ITGA2: variants seen among roughly 807,000 people sequenced by gnomAD.
The protein encoded by ITGA2 is integrin alpha-2.
Under a neutral mutation model 146.3 loss-of-function variants are expected in ITGA2, and 101 were observed. The observed-to-expected ratio is 0.69, with a 90% confidence interval of 0.59 to 0.81. The LOEUF (loss-of-function observed/expected upper bound fraction) is 0.81. ITGA2 is among the 40% of genes least tolerant of loss of function. The pLI is 0.00. For synonymous variants in ITGA2, 477 were observed against 487.1 expected, an observed-to-expected ratio of 0.98 and a Z score of 0.27; for missense variants, 1,281 against 1,402.7, an observed-to-expected ratio of 0.91 and a Z score of 1.39.
At chr5:53,003,375 A>G (rs1488614320) in intron 1 of ITGA2, among the ~76,000 whole-genome samples, 1 of 152,150 alleles carries the variant, frequency 6.6e-6, no homozygotes, top group Non-Finnish European at 1.5e-5. Context: ...AAATTTAGTG[A>G]TATGAAACCA....
At chr5:53,061,137 C>A in intron 12 of ITGA2, 91 bp downstream of exon 12, 1 of 1,211,646 alleles carries the variant, frequency 8.3e-7, no homozygotes, top group Non-Finnish European at 1.2e-6. Flanking sequence ...ACAACATGGC[C>A]TGAGTGCCTA....
At position 53,090,874 on chromosome 5, in the gene ITGA2, C is replaced by T. The variant is rs1037594474; in HGVS notation, c.*275C>T. ...TTTAAACTGGCTGGCCCAGAGTTTA[C>T]ATTCTAATTTGCATTGTGTCAGAAA... On this transcript the variant is annotated 3_prime_UTR_variant, in exon 30 of 30. Transcript: ENST00000296585. 15 of 593,298 alleles carry T rather than the reference C, an allele frequency of 2.5e-5. No individual in the cohort carries two copies. Among genetic ancestry groups the T allele is most frequent in the African/African-American group, 2.4e-4 (13 of 53,826 alleles). The allele number at this position is 593,298 out of a possible 1,614,324, so 36.8% of individuals were successfully genotyped here.
At chr5:53,086,335 G>C (rs1746154895) in intron 27 of ITGA2, among the ~76,000 whole-genome samples, 1 of 152,156 alleles carries the variant, frequency 6.6e-6, no homozygotes, top group African/African-American at 2.4e-5. Flanking sequence ...AGTATTATTT[G>C]ATAGAAACAC....
At position 53,055,582 on chromosome 5, in the gene ITGA2, C is replaced by T. The variant is rs753108742; in HGVS notation, c.824C>T (p.Thr275Met). ...GCTTCTGGTGGGCGACGAAGTGCTA[C>T]GAAAGTAATGGTAGTTGTAACTGAC... is the stretch of plus-strand genomic sequence containing the variant. The part of the protein sequence containing the change: ...SAASGGRRSA[T>M]KVMVVVTDGE... Residue 275 changes from threonine to methionine, a missense_variant, in exon 8 of 30, where the codon ACG becomes ATG. Physicochemically the swap from Thr to Met is moderately conservative, Grantham distance 81 (BLOSUM62 -1). This residue lies in a region of ITGA2 where 795 missense variants were observed against 841.7 expected (regional missense o/e 0.94). Transcript: ENST00000296585. 55 of 1,613,110 alleles carry T rather than the reference C, an allele frequency of 3.4e-5. 1 individual carries two copies. The highest frequency in any genetic ancestry group is 2.0e-4 in the South Asian group (18 of 91,044).
In ITGA2 at chr5:53,051,433, A is replaced by G. The variant is rs751591582; in HGVS notation, c.653A>G (p.Asn218Ser). The change falls in exon 7 of 30, where the codon AAT becomes AGT. Residue 218 changes from asparagine to serine, a missense_variant. Asn to Ser is a conservative substitution (Grantham distance 46). This residue lies in a region of ITGA2 where 795 missense variants were observed against 841.7 expected (regional missense o/e 0.94). Coordinates refer to ENST00000296585, the MANE Select transcript of ITGA2 (RefSeq NM_002203.4). ...KTQVGLIQYA[N>S]NPRVVFNLNT... ...AAGGTGGGGTTAATTCAGTATGCCA[A>G]TAATCCAAGAGTTGTGTTTAACTTG... 4 of 1,613,596 alleles carry G rather than the reference A, an allele frequency of 2.5e-6. No individual in the cohort carries two copies. Among genetic ancestry groups the G allele is most frequent in the Admixed American group, 1.7e-5 (1 of 59,990 alleles).
intron 2 of ITGA2, among the ~76,000 whole-genome samples, chr5:53,029,063 G>A (rs1743094971): frequency 6.6e-6 from 1 of 152,152 alleles, no homozygotes; most frequent in Non-Finnish European, 1.5e-5. Context: ...CTTGAGGCCA[G>A]GATTTCAAGA....
intron 1 of ITGA2, among the ~76,000 whole-genome samples, chr5:52,995,980 G>C (rs887903127): frequency 6.6e-6 from 1 of 152,158 alleles, no homozygotes; most frequent in African/African-American, 2.4e-5. Context: ...AGTGAATAGG[G>C]TCAACTTCTT....
chr5:53,078,209 A>G (rs1745748732), intron 23 of ITGA2, among the ~76,000 whole-genome samples: 1 of 152,134 alleles, frequency 6.6e-6, no homozygotes, highest in East Asian at 1.9e-4. Flanking sequence ...CTCTACACTA[A>G]TGGTGGAAAC....
At chr5:53,078,391 C>A (rs1745756872) in intron 23 of ITGA2, among the ~76,000 whole-genome samples, 1 of 152,104 alleles carries the variant, frequency 6.6e-6, no homozygotes. Context: ...TAAATCCATT[C>A]ATTCAACTAA....
At chr5:53,055,202 T>C (rs1219474145) in intron 7 of ITGA2, among the ~76,000 whole-genome samples, 1 of 152,122 alleles carries the variant, frequency 6.6e-6, no homozygotes, top group African/African-American at 2.4e-5. Flanking sequence ...ATAAAATTTA[T>C]AACAGAAATA....
At chr5:52,999,389 T>G (rs1279842359) in intron 1 of ITGA2, among the ~76,000 whole-genome samples, 2 of 152,158 alleles carry the variant, frequency 1.3e-5, no homozygotes, top group East Asian at 3.9e-4. Flanking sequence ...TGTACAGCTT[T>G]TTAGGGCTTG....
At chr5:53,027,890 G>C (rs9292004) in intron 2 of ITGA2, among the ~76,000 whole-genome samples, 1,824 of 152,170 alleles carry the variant, frequency 0.012, 34 homozygotes, top group African/African-American at 0.041. Flanking sequence ...GAGACCACCT[G>C]GGCAACACAG....
chr5:52,997,850 A>G (rs1054992465), intron 1 of ITGA2, among the ~76,000 whole-genome samples: 33 of 152,238 alleles, frequency 2.2e-4, no homozygotes, highest in African/African-American at 7.7e-4. Flanking sequence ...GTGCATAAAA[A>G]TAGATATTTC....
chr5:53,064,814 G>A, intron 13 of ITGA2, 98 bp from the exon 14 acceptor site: 2 of 1,153,932 alleles, frequency 1.7e-6, no homozygotes, highest in Admixed American at 1.7e-5. Flanking sequence ...GGAGTCTTTG[G>A]GATTACAGGC....
In ITGA2 at chr5:53,090,829, A is replaced by G; in HGVS notation, c.*230A>G. On this transcript the variant is annotated 3_prime_UTR_variant, in exon 30 of 30. Coordinates refer to ENST00000296585, the MANE Select transcript of ITGA2 (RefSeq NM_002203.4). ...ATAGGGAAAATACCTATTTTATATG[A>G]TGGGGGAAAAAAAGTAATCTTTAAA... 1.7e-6 allele frequency: 1 copy of G among 599,534 alleles called. No individual in the cohort carries two copies. 37.1% of individuals were successfully genotyped at this position (599,534 alleles called of 1,614,324 possible).
At chr5:53,061,645 C>T (rs3212541) in intron 12 of ITGA2, among the ~76,000 whole-genome samples, 5,717 of 151,972 alleles carry the variant, frequency 0.038, 150 homozygotes, top group East Asian at 0.074. Flanking sequence ...AGATATGGCC[C>T]ACTACAGCAA....
rs763404337 is a variant in ITGA2, at chr5:53,056,041, A to G, written c.988A>G (p.Lys330Glu). The stretch of plus-strand genomic sequence containing the variant: ...TACTAAAAATTTAATAAAAGAAATA[A>G]AAGCAATCGCTAGTATTCCAACAGA... Reference protein sequence around the residue: ...LDTKNLIKEIKAIASIPTERY... With the variant: ...LDTKNLIKEIEAIASIPTERY... The change falls in exon 9 of 30, where the codon AAA (lysine) becomes GAA (glutamate). Residue 330 changes from lysine to glutamate, a missense_variant. Lys to Glu is a moderately conservative substitution (Grantham distance 56). Around this residue, in one of 3 missense-constraint regions of ITGA2, gnomAD observed 795 missense variants for 841.7 expected, o/e 0.94. Transcript: ENST00000296585. 6.2e-7 allele frequency: 1 copy of G among 1,609,968 alleles called. No homozygotes were observed. The highest frequency in any genetic ancestry group is 1.3e-5 in the African/African-American group (1 of 74,782).
intron 1 of ITGA2, among the ~76,000 whole-genome samples, chr5:53,013,628 C>G (rs1742262106): frequency 6.6e-6 from 1 of 151,936 alleles, no homozygotes. Context: ...TTAGTTTTTT[C>G]TAATTCTGTG....
At chr5:53,029,834 C>T in intron 2 of ITGA2, among the ~76,000 whole-genome samples, 1 of 152,132 alleles carries the variant, frequency 6.6e-6, no homozygotes, top group East Asian at 1.9e-4. Context: ...ATGATTCATC[C>T]CAAGTGCTAT....
Sources: gnomAD v4.1 joint callset for allele counts (sites outside exome capture counted in the v4.1 genomes callset) on GRCh38, gnomAD v4.1.1 for gene constraint, gnomAD v4.1.1 regional missense constraint, MANE v1.5 for transcripts, NCBI Gene and HGNC (gene_info 2026-07-23, HGNC 2026-07-21) for gene names.